Variants in MRPL14 observed in about 807,000 individuals in gnomAD.
The protein encoded by MRPL14 is mitochondrial ribosomal protein L14, also known as large ribosomal subunit protein uL14m.
In MRPL14, 8 loss-of-function variants were observed where a neutral mutation model predicts 10.9. The observed-to-expected ratio is 0.74, with a 90% CI of 0.43 to 1.33. MRPL14 has a LOEUF of 1.33. Ranked by LOEUF, MRPL14 falls within the 40% of genes most tolerant of loss-of-function variation. MRPL14 has a pLI of 0.01. For synonymous variants in MRPL14, 82 were observed against 74.1 expected (o/e 1.11, Z -0.54); for missense variants, 179 against 194.5 (o/e 0.92, Z 0.47).
At chr6:44,114,549 G>A (rs1012888094) in intron 2 of MRPL14, among the ~76,000 whole-genome samples, 3 of 152,220 alleles carry the variant, frequency 2.0e-5, no homozygotes, top group African/African-American at 7.2e-5. Context: ...AATCCCTTAT[G>A]GGCTAGGCCT....
In MRPL14 at chr6:44,113,810, C is replaced by A; in HGVS notation, c.*33G>T. 1 of 1,527,140 alleles carries A rather than the reference C, an allele frequency of 6.5e-7. No individual in the cohort carries two copies. The highest frequency in any genetic ancestry group is 1.3e-5 in the South Asian group (1 of 76,620). 94.6% of individuals were successfully genotyped at this position (1,527,140 alleles called of 1,614,324 possible). ...GGGTGGTTCTCAGAACTGCTCCATT[C>A]ACGAGTCCTGCAACCAGAGGCCTGG... is the stretch of plus-strand genomic sequence containing the variant. On this transcript the variant is annotated 3_prime_UTR_variant, in exon 3 of 3. Transcript: ENST00000372014.
At chr6:44,119,823 TGA>T (rs1460224514) in intron 1 of MRPL14, among the ~76,000 whole-genome samples, 1 of 152,144 alleles carries the variant, frequency 6.6e-6, no homozygotes, top group African/African-American at 2.4e-5. Context: ...CTTGGCTCCT[TGA>T]GAGAGAAGAG....
chr6:44,122,576 CG>C (rs1186782815), intron 1 of MRPL14, among the ~76,000 whole-genome samples: 1 of 152,086 alleles, frequency 6.6e-6, no homozygotes, highest in Non-Finnish European at 1.5e-5. Flanking sequence ...GGTGCCTGGC[CG>C]GTTACATTTT....
intron 1 of MRPL14, chr6:44,126,961 G>C (rs1777150301): frequency 6.6e-6 from 1 of 152,326 alleles, no homozygotes; most frequent in Non-Finnish European, 1.5e-5. Flanking sequence ...AGTTGGGAAA[G>C]GGGAGGGGAG....
chr6:44,122,089 CTT>C (rs35413398), intron 1 of MRPL14, among the ~76,000 whole-genome samples: 131 of 148,122 alleles, frequency 8.8e-4, no homozygotes, highest in African/African-American at 2.8e-3. Flanking sequence ...TCCCCCCCCT[CTT>C]TTTTTTTTGG....
At chr6:44,123,839 A>G (rs1776676104) in intron 1 of MRPL14, among the ~76,000 whole-genome samples, 1 of 152,142 alleles carries the variant, frequency 6.6e-6, no homozygotes, top group Non-Finnish European at 1.5e-5. Context: ...GCACAACACT[A>G]CAGCCTGGGT....
At chr6:44,122,768 G>A (rs568822151) in intron 1 of MRPL14, among the ~76,000 whole-genome samples, 1 of 152,262 alleles carries the variant, frequency 6.6e-6, no homozygotes, top group African/African-American at 2.4e-5. Flanking sequence ...GACAAACTCT[G>A]CCAGCGTGAG....
At chr6:44,116,735 AT>A in intron 1 of MRPL14, 106 bp from the exon 2 acceptor site, 1 of 721,084 alleles carries the variant, frequency 1.4e-6, no homozygotes, top group South Asian at 1.6e-5. Flanking sequence ...GCACAAGATC[AT>A]TAGTCACAAA....
intron 1 of MRPL14, among the ~76,000 whole-genome samples, chr6:44,121,221 T>G (rs1776374311): frequency 6.6e-6 from 1 of 152,028 alleles, no homozygotes; most frequent in Middle Eastern, 3.4e-3. Flanking sequence ...TACAACACTC[T>G]CACTTAGAGG....
chr6:44,116,783 T>G (rs1198221013), intron 1 of MRPL14, among the ~76,000 whole-genome samples, 154 bp from the exon 2 acceptor site: 3 of 152,200 alleles, frequency 2.0e-5, no homozygotes, highest in Non-Finnish European at 4.4e-5. Context: ...CACAGATGAT[T>G]AGACAGAGCT....
intron 1 of MRPL14, among the ~76,000 whole-genome samples, chr6:44,125,435 C>G (rs1268312358): frequency 1.3e-5 from 2 of 152,104 alleles, no homozygotes; most frequent in African/African-American, 4.8e-5. Flanking sequence ...TTGCGTAGAT[C>G]GATTGAGGTC....
chr6:44,118,594 T>C (rs918218508), intron 1 of MRPL14, among the ~76,000 whole-genome samples: 2 of 152,178 alleles, frequency 1.3e-5, no homozygotes, highest in African/African-American at 4.8e-5. Flanking sequence ...CCTCTTTCTG[T>C]TTCTTTATTT....
chr6:44,119,331 C>A (rs906170338), intron 1 of MRPL14, among the ~76,000 whole-genome samples: 8 of 152,130 alleles, frequency 5.3e-5, no homozygotes, highest in Non-Finnish European at 1.2e-4. Context: ...GAGTTTGAGA[C>A]CAGCCTGGCC....
intron 1 of MRPL14, among the ~76,000 whole-genome samples, chr6:44,126,086 A>G (rs1307305939): frequency 6.6e-6 from 1 of 152,228 alleles, no homozygotes; most frequent in Non-Finnish European, 1.5e-5. Context: ...CTGGCATGCT[A>G]ACTGCATCCT....
chr6:44,114,162 A>C lies in MRPL14; in HGVS notation c.119T>G (p.Val40Gly). The change falls in exon 3 of 3, where the codon GTG becomes GGG. Residue 40 changes from valine (V) to glycine (G), a missense_variant. Physicochemically the swap from Val to Gly is moderately radical, Grantham distance 109. Coordinates refer to ENST00000372014, the MANE Select transcript of MRPL14 (RefSeq NM_032111.4). ...GTTCCCCAGGGCACTGTTGTCCACC[A>C]CTCGTACCCGCGTCATCTTCTGAAT... ...SAIQKMTRVRVVDNSALGNSP... is the reference protein window; with the variant it reads ...SAIQKMTRVRGVDNSALGNSP... 1.9e-6 allele frequency: 3 copies of C among 1,612,582 alleles called. No homozygotes were observed. Among genetic ancestry groups the C allele is most frequent in the Non-Finnish European group, 2.5e-6 (3 of 1,179,318 alleles).
At chr6:44,116,703 T>C in intron 1 of MRPL14, 74 bp from the exon 2 acceptor site, 2 of 962,126 alleles carry the variant, frequency 2.1e-6, no homozygotes, top group Non-Finnish European at 3.4e-6. Flanking sequence ...TTTGGGGACT[T>C]GTGTGGGAGA....
intron 1 of MRPL14, 176 bp downstream of exon 1, chr6:44,127,168 A>ACCTCCCTCCCCGTCGGGACC (rs1777209044): frequency 1.3e-5 from 1 of 79,416 alleles, no homozygotes; most frequent in Non-Finnish European, 3.0e-5. Context: ...CCCCGTCGGG[A>ACCTCCCTCCCCGTCGGGACC]CCCCCCTCCC....
chr6:44,119,271 C>A (rs1197359495), intron 1 of MRPL14, among the ~76,000 whole-genome samples: 1 of 152,142 alleles, frequency 6.6e-6, no homozygotes, highest in Non-Finnish European at 1.5e-5. Context: ...GCCTGTAATC[C>A]CAGCACTTTG....
At chr6:44,116,078 AG>A (rs1276547622) in intron 2 of MRPL14, among the ~76,000 whole-genome samples, 1 of 152,274 alleles carries the variant, frequency 6.6e-6, no homozygotes, top group African/African-American at 2.4e-5. Flanking sequence ...TGACGGGGCC[AG>A]GAGGCATGTC....
Sources: gnomAD v4.1 joint callset for allele counts (sites outside exome capture counted in the v4.1 genomes callset) on GRCh38, gnomAD v4.1.1 for gene constraint, MANE v1.5 for transcripts, NCBI Gene and HGNC (gene_info 2026-07-23, HGNC 2026-07-21) for gene names.